The following VPS52 variants were observed in gnomAD, a reference collection of about 807,000 sequenced individuals.
The protein encoded by VPS52 is vacuolar protein sorting-associated protein 52 homolog.
Under a neutral mutation model 98.7 loss-of-function variants are expected in VPS52, and 56 were observed. The ratio of observed to expected loss-of-function variants is 0.57; its 90% confidence interval spans 0.46 to 0.71. VPS52 has a LOEUF of 0.71. Among genes scored for constraint, VPS52 ranks in the 30% least tolerant of loss-of-function variants. The pLI, the probability that VPS52 is intolerant of heterozygous loss-of-function variation, is 0.00. For missense variants in VPS52, 742 were observed against 925.9 expected, an observed-to-expected ratio of 0.80 and a Z score of 2.58; for synonymous variants, 348 against 346.4, an observed-to-expected ratio of 1.00 and a Z score of -0.05.
intron 17 of VPS52, among the ~76,000 whole-genome samples, chr6:33,253,414 C>T (rs750163587): frequency 1.3e-5 from 2 of 149,876 alleles, no homozygotes; most frequent in Non-Finnish European, 3.0e-5. Flanking sequence ...TGCTTGAACC[C>T]GGGAGGCAGA....
At chr6:33,262,297 A>C (rs892467582) in intron 17 of VPS52, among the ~76,000 whole-genome samples, 2 of 152,216 alleles carry the variant, frequency 1.3e-5, no homozygotes, top group African/African-American at 4.8e-5. Context: ...TATCAGAGAA[A>C]TACAAATCAA....
At position 33,252,864 on chromosome 6, in the gene VPS52, A is replaced by G. The variant is rs185251182; in HGVS notation, c.1795-893T>C. Among the ~76,000 whole-genome samples the G allele has an allele frequency of 1.6e-3, 242 of 152,288 alleles. 1 individual carries two copies. The highest frequency in any genetic ancestry group is 3.6e-3 in the Admixed American group (55 of 15,286). ...TGAAATTGATGGCTACTAACATCACAAAGAGAGCCAAGAAGACATTATGTG... is the reference window on the plus strand; with the variant it reads ...TGAAATTGATGGCTACTAACATCACGAAGAGAGCCAAGAAGACATTATGTG... On this transcript the variant is annotated intron_variant, in intron 17 of 19. Coordinates refer to ENST00000445902, the MANE Select transcript of VPS52 (RefSeq NM_022553.6).
In VPS52 at chr6:33,267,478, G is replaced by A; in HGVS notation, c.992-157C>T. On this transcript the variant is annotated intron_variant, in intron 10 of 19. Coordinates refer to ENST00000445902, the MANE Select transcript of VPS52 (RefSeq NM_022553.6). This position sits in a 1 kb window ranked among gnomAD's most constrained non-coding sequence, Gnocchi z 4.2. ...GACATCTGTGAATGGGCTTCAGGGT[G>A]TCTCTCCCTCCCTTGCAATCATATG... 1 of 1,276,246 alleles carries A rather than the reference G, an allele frequency of 7.8e-7. No homozygotes were observed. Among genetic ancestry groups the A allele is most frequent in the Non-Finnish European group, 1.1e-6 (1 of 924,012 alleles). The allele number at this position is 1,276,246 out of a possible 1,614,324, so 79.1% of individuals were successfully genotyped here.
Position 33,269,112 on chromosome 6 carries a change from C to T in VPS52, c.450G>A (p.Gln150=). ...GAAGTCGAATGTTCATGGCTCCTGA[C>T]TGTTCCTGCAGTGTCCGGATCTCAG... ...ISSEIRTLQE[Q]SGAMNIRLRN... is the part of the protein sequence containing the mutation. Residue 150 remains glutamine (Q), a synonymous_variant, in exon 6 of 20, where the codon CAG becomes CAA. Transcript: ENST00000445902. 1.2e-6 allele frequency: 2 copies of T among 1,613,034 alleles called. No individual in the cohort carries two copies. The highest frequency in any genetic ancestry group is 1.7e-6 in the Non-Finnish European group (2 of 1,180,026).
upstream of VPS52, chr6:33,271,935 G>A (rs10080745): frequency 5.3e-4 from 562 of 1,054,154 alleles, 5 homozygotes; most frequent in African/African-American, 6.5e-3. Context: ...AAAGAAAGGC[G>A]CACCGGAAGT....
At position 33,267,698 on chromosome 6, in the gene VPS52, T is replaced by G; in HGVS notation, c.975A>C (p.Glu325Asp). The G allele has an allele frequency of 1.2e-6, 2 of 1,613,040 alleles. No individual in the cohort carries two copies. Among genetic ancestry groups the G allele is most frequent in the Non-Finnish European group, 1.7e-6 (2 of 1,180,018 alleles). Residue 325 changes from glutamate (E) to aspartate (D), a missense_variant, in exon 10 of 20, where the codon GAA (glutamate) becomes GAC (aspartate). Glu to Asp is a conservative substitution (Grantham distance 45). Around this residue, in one of 2 missense-constraint regions of VPS52, gnomAD observed 590 missense variants for 793.3 expected, o/e 0.74. Transcript: ENST00000445902. This position sits in a 1 kb window ranked among gnomAD's most constrained non-coding sequence, Gnocchi z 4.2. ...VAEKDDLMGV[E>D]DTAKKGFFSK... ...CTAGGATATCTTTCTTTGCTGTATC[T>G]TCCACACCCATTAGATCATCTTTCT...
In VPS52 at chr6:33,268,768, T is replaced by C; in HGVS notation, c.549-119A>G. On this transcript the variant is annotated intron_variant, in intron 6 of 19. Coordinates refer to ENST00000445902, the MANE Select transcript of VPS52 (RefSeq NM_022553.6). The surrounding 1 kb of genome is among the most constrained non-coding windows in gnomAD (Gnocchi z 4.0). ...ATCTCTACCACCTTGCATTGTACCA[T>C]ATAGTCAGGACACATGTACAAAGTT... 7.7e-7 allele frequency: 1 copy of C among 1,292,876 alleles called. No homozygotes were observed. The highest frequency in any genetic ancestry group is 1.0e-6 in the Non-Finnish European group (1 of 963,490). The allele number at this position is 1,292,876 out of a possible 1,614,324, so 80.1% of individuals were successfully genotyped here. A position where few individuals can be genotyped will look rare whatever the true frequency, so the allele number is the denominator to read the frequency against.
intron 17 of VPS52, among the ~76,000 whole-genome samples, chr6:33,256,352 C>A (rs1410392616): frequency 6.7e-6 from 1 of 150,246 alleles, no homozygotes; most frequent in Admixed American, 6.6e-5. Flanking sequence ...CTAGTCCTAG[C>A]TACTCGGGAG....
chr6:33,264,286 T>A, intron 14 of VPS52, 88 bp downstream of exon 14: 1 of 1,582,266 alleles, frequency 6.3e-7, no homozygotes, highest in Non-Finnish European at 8.6e-7. Context: ...GCGTGGCCCA[T>A]GACACAACTG....
At chr6:33,262,040 CA>C (rs9257102) in intron 17 of VPS52, among the ~76,000 whole-genome samples, 1,254 of 15,314 alleles carry the variant, frequency 0.082, 3 homozygotes, top group African/African-American at 0.25. Context: ...AACTCCATCT[CA>C]AAAAAAAAAA....
intron 4 of VPS52, 87 bp from the exon 5 acceptor site, chr6:33,269,644 T>C (rs555507877): frequency 7.0e-6 from 11 of 1,571,804 alleles, no homozygotes; most frequent in Admixed American, 1.7e-5. Flanking sequence ...TTTGAAGTGA[T>C]AGAAACCTCA....
At chr6:33,269,311 AC>A in intron 5 of VPS52, 122 bp from the exon 6 acceptor site, 13 of 1,438,318 alleles carry the variant, frequency 9.0e-6, no homozygotes, top group Non-Finnish European at 1.2e-5. Context: ...ATGATGAGAC[AC>A]CCCAGATTAT....
At chr6:33,264,978 T>G (rs1764125252) in intron 12 of VPS52, 78 bp from the exon 13 acceptor site, 1 of 1,287,228 alleles carries the variant, frequency 7.8e-7, no homozygotes, top group Admixed American at 1.7e-5. Flanking sequence ...ACAAACGCAT[T>G]TGTTTCTTTG....
chr6:33,270,022 A>C lies in VPS52; in HGVS notation c.205T>G (p.Leu69Val), dbSNP rs758585351. 6.2e-6 allele frequency: 10 copies of C among 1,613,994 alleles called. No individual in the cohort carries two copies. Among genetic ancestry groups the C allele is most frequent in the Non-Finnish European group, 8.5e-7 (1 of 1,180,042 alleles). ...ACCGTTTTAAGAGCTTCCTTTACTA[A>C]CTCATCCTCCAGATTTGCCTGAATG... is the stretch of plus-strand genomic sequence containing the variant. Reference protein sequence around the residue: ...VHIQANLEDELVKEALKTGVD... With the variant: ...VHIQANLEDEVVKEALKTGVD... The change falls in exon 3 of 20, where the codon TTA (leucine) becomes GTA (valine). Residue 69 changes from leucine to valine, a missense_variant. Physicochemically the swap from Leu to Val is conservative, Grantham distance 32. Transcript: ENST00000445902.
Position 33,268,316 on chromosome 6 carries a change from A to G in VPS52, c.700-108T>C. On this transcript the variant is annotated intron_variant, in intron 7 of 19. Coordinates refer to ENST00000445902, the MANE Select transcript of VPS52 (RefSeq NM_022553.6). This position sits in a 1 kb window ranked among gnomAD's most constrained non-coding sequence, Gnocchi z 4.0. ...AAACATAGGCAGAAGGGTGGTGAAT[A>G]TCTCTTTGGTATTTCTCAAGATTTT... 1 of 1,356,174 alleles carries G rather than the reference A, an allele frequency of 7.4e-7. No individual in the cohort carries two copies. The highest frequency in any genetic ancestry group is 1.0e-6 in the Non-Finnish European group (1 of 965,468). 84.0% of individuals were successfully genotyped at this position (1,356,174 alleles called of 1,614,324 possible).
rs372966494 is a variant in VPS52, at chr6:33,268,244, G to A, written c.700-36C>T. The A allele has an allele frequency of 1.0e-4, 164 of 1,604,678 alleles. 2 individuals carry two copies. The African/African-American group carries it at 1.9e-3, about 18-fold the overall frequency. On this transcript the variant is annotated intron_variant, in intron 7 of 19. Coordinates refer to ENST00000445902, the MANE Select transcript of VPS52 (RefSeq NM_022553.6). This position sits in a 1 kb window ranked among gnomAD's most constrained non-coding sequence, Gnocchi z 4.0. ...GGAACCAAACACAGGGCATGAAGCT[G>A]CAACCCTTTTGCTGTATGAGAGGAA...
chr6:33,257,699 C>T (rs1763153899), intron 17 of VPS52, among the ~76,000 whole-genome samples: 1 of 152,290 alleles, frequency 6.6e-6, no homozygotes, highest in Non-Finnish European at 1.5e-5. Flanking sequence ...ACACCCAGCC[C>T]AGGAATTTCT....
In VPS52 at chr6:33,268,767, A is replaced by G. The variant is rs1257140634; in HGVS notation, c.549-118T>C. ...CATCTCTACCACCTTGCATTGTACC[A>G]TATAGTCAGGACACATGTACAAAGT... On this transcript the variant is annotated intron_variant, in intron 6 of 19. Transcript: ENST00000445902. The surrounding 1 kb of genome is among the most constrained non-coding windows in gnomAD (Gnocchi z 4.0). 7.7e-6 allele frequency: 10 copies of G among 1,302,054 alleles called. No homozygotes were observed. Among genetic ancestry groups the G allele is most frequent in the Non-Finnish European group, 1.0e-5 (10 of 971,768 alleles). 80.7% of individuals were successfully genotyped at this position (1,302,054 alleles called of 1,614,324 possible). A position where few individuals can be genotyped will look rare whatever the true frequency, so the allele number is the denominator to read the frequency against.
chr6:33,271,342 T>C (rs72881299), intron 1 of VPS52: 190 of 697,480 alleles, frequency 2.7e-4, no homozygotes, highest in Non-Finnish European at 4.3e-4. Context: ...CTTTACACTA[T>C]ACTACTTCGT....
Sources: gnomAD v4.1 joint callset for allele counts (sites outside exome capture counted in the v4.1 genomes callset) on GRCh38, gnomAD v4.1.1 for gene constraint, gnomAD v4.1.1 regional missense constraint, Gnocchi (gnomAD v3.1) non-coding constraint, MANE v1.5 for transcripts, NCBI Gene and HGNC (gene_info 2026-07-23, HGNC 2026-07-21) for gene names.